Variants in BLTP3B observed in about 807,000 individuals in gnomAD.
BLTP3B encodes UHRF1 (ICBP90) binding protein 1-like.
the BLTP3B span, among the ~76,000 whole-genome samples, chr12:100,119,034 G>C: frequency 6.6e-6 from 1 of 152,016 alleles, no homozygotes; most frequent in Non-Finnish European, 1.5e-5. Flanking sequence ...CTCAGGAGGC[G>C]GAGGTTGCAG....
the BLTP3B span, among the ~76,000 whole-genome samples, chr12:100,066,865 T>C: frequency 1.3e-5 from 2 of 151,486 alleles, no homozygotes; most frequent in African/African-American, 4.9e-5. Context: ...GAACATTCCA[T>C]TCAACAACTG....
the BLTP3B span, among the ~76,000 whole-genome samples, chr12:100,114,762 C>A: frequency 6.6e-6 from 1 of 152,150 alleles, no homozygotes; most frequent in Non-Finnish European, 1.5e-5. Flanking sequence ...TAATTAAATC[C>A]TTTCACAGCC....
chr12:100,056,022 A>G, the BLTP3B span, among the ~76,000 whole-genome samples: 3 of 152,362 alleles, frequency 2.0e-5, 1 homozygote, highest in Middle Eastern at 6.8e-3. Flanking sequence ...TAAATGCTCA[A>G]TAAATGTTAG....
chr12:100,044,547 C>T, the BLTP3B span, among the ~76,000 whole-genome samples: 2 of 152,094 alleles, frequency 1.3e-5, no homozygotes, highest in African/African-American at 4.8e-5. Flanking sequence ...CTTACATTAG[C>T]GACCTTAAAA....
the BLTP3B span, among the ~76,000 whole-genome samples, chr12:100,064,756 T>G: frequency 6.6e-6 from 1 of 151,752 alleles, no homozygotes; most frequent in Non-Finnish European, 1.5e-5. Flanking sequence ...TTTACCACTA[T>G]CAAGCCACCA....
At chr12:100,045,696 A>C in the BLTP3B span, among the ~76,000 whole-genome samples, 1 of 152,248 alleles carries the variant, frequency 6.6e-6, no homozygotes, top group East Asian at 1.9e-4. Context: ...AAACACCAAA[A>C]GCAATAGCAA....
the BLTP3B span, among the ~76,000 whole-genome samples, chr12:100,134,331 G>A: frequency 2.6e-5 from 4 of 152,170 alleles, no homozygotes; most frequent in East Asian, 1.9e-4. Context: ...TGGGCTGGGC[G>A]CAGTGGCTCA....
At chr12:100,078,165 A>G in the BLTP3B span, among the ~76,000 whole-genome samples, 1 of 152,016 alleles carries the variant, frequency 6.6e-6, no homozygotes, top group African/African-American at 2.4e-5. Context: ...CAGATACCTC[A>G]TGGCTTGGTG....
chr12:100,101,832 C>G, the BLTP3B span, among the ~76,000 whole-genome samples: 6,157 of 152,244 alleles, frequency 0.04, 260 homozygotes, highest in African/African-American at 0.11. Flanking sequence ...GAGACAGAGT[C>G]TCTCTCCATC....
At chr12:100,086,084 T>C in the BLTP3B span, among the ~76,000 whole-genome samples, 353 of 152,228 alleles carry the variant, frequency 2.3e-3, 8 homozygotes, top group East Asian at 0.04. Context: ...TATATAAATG[T>C]CAATATACAC....
At chr12:100,047,748 CTGCCTGTTATATTT>C in the BLTP3B span, 474 of 1,068,670 alleles carry the variant, frequency 4.4e-4, 1 homozygote, top group African/African-American at 6.8e-3. Context: ...AGCGAGAAAA[CTGCCTGTTATATTT>C]TGCCTGTTAT....
chr12:100,130,996 AGAGAGAGAGAG>A, the BLTP3B span, among the ~76,000 whole-genome samples: 8 of 106,834 alleles, frequency 7.5e-5, no homozygotes, highest in African/African-American at 2.2e-4. Context: ...AGAGAGAGAG[AGAGAGAGAGAG>A]AGAGAGAGAG....
chr12:100,094,156 T>C, the BLTP3B span, among the ~76,000 whole-genome samples: 1 of 152,214 alleles, frequency 6.6e-6, no homozygotes, highest in Non-Finnish European at 1.5e-5. Flanking sequence ...TCTCACTCTG[T>C]TACGCAGGCT....
chr12:100,063,599 G>A, the BLTP3B span, among the ~76,000 whole-genome samples: 356 of 151,974 alleles, frequency 2.3e-3, 8 homozygotes, highest in East Asian at 0.04. Context: ...CCAACTACTC[G>A]GGAGGCTGAG....
At chr12:100,072,248 C>T in the BLTP3B span, among the ~76,000 whole-genome samples, 3 of 151,286 alleles carry the variant, frequency 2.0e-5, no homozygotes, top group South Asian at 2.1e-4. Context: ...GGCAACAGAG[C>T]GAGACTCTGC....
At chr12:100,142,473 A>G in the BLTP3B span, 1 of 1,104,040 alleles carries the variant, frequency 9.1e-7, no homozygotes, top group Non-Finnish European at 1.3e-6. Flanking sequence ...CAGAGCGGGG[A>G]AGTCCGAAGG....
chr12:100,131,026 A>AGAGAGG, the BLTP3B span, among the ~76,000 whole-genome samples: 2 of 123,794 alleles, frequency 1.6e-5, no homozygotes, highest in Non-Finnish European at 3.4e-5. Context: ...AGAGAGAGAG[A>AGAGAGG]GAGAGAGAAA....
chr12:100,039,276 C>T, the BLTP3B span, among the ~76,000 whole-genome samples: 5 of 151,062 alleles, frequency 3.3e-5, no homozygotes, highest in Non-Finnish European at 7.4e-5. Context: ...TAAGCAAATA[C>T]AGCAATATGA....
chr12:100,075,099 C>T, the BLTP3B span, among the ~76,000 whole-genome samples: 1 of 151,714 alleles, frequency 6.6e-6, no homozygotes, highest in Non-Finnish European at 1.5e-5. Flanking sequence ...GCAACCTCTG[C>T]CTCCCGGGTT....
Sources: gnomAD v4.1 joint callset for allele counts (sites outside exome capture counted in the v4.1 genomes callset) on GRCh38, gnomAD v4.1.1 for gene constraint, MANE v1.5 for transcripts, NCBI Gene and HGNC (gene_info 2026-07-23, HGNC 2026-07-21) for gene names.